NSUN6: variants seen among roughly 807,000 people sequenced by gnomAD.
NSUN6 encodes NOP2/Sun RNA methyltransferase 6.
NSUN6 carries 64 observed loss-of-function variants against 58.0 expected under a neutral mutation model. The observed-to-expected ratio is 1.10, with a 90% CI of 0.90 to 1.36. NSUN6 has a LOEUF of 1.36. NSUN6 is among the 40% of genes most tolerant of loss of function. The pLI is 0.00. For missense variants in NSUN6, 701 were observed against 550.1 expected, an observed-to-expected ratio of 1.27 and a Z score of -2.74; for synonymous variants, 231 against 193.9, an observed-to-expected ratio of 1.19 and a Z score of -1.59.
At position 18,546,094 on chromosome 10, in the gene NSUN6, G is replaced by T. The variant is rs755947656; in HGVS notation, c.1249C>A (p.Gln417Lys). 3.7e-6 allele frequency: 6 copies of T among 1,612,516 alleles called. No individual in the cohort carries two copies. The South Asian group carries it at 6.6e-5, about 18-fold the overall frequency. ...TCAAATCGCTGCAGCTGTTTCAACT[G>T]TTCACATGAGAGCCCAGCTCCCCTC... ...GMRGAGLSCEQLKQLQRFDPS... is the reference protein window; with the variant it reads ...GMRGAGLSCEKLKQLQRFDPS... The change falls in exon 11 of 11, where the codon CAG becomes AAG. Residue 417 changes from glutamine to lysine, a missense_variant. By Grantham distance (53) the Gln-to-Lys change is moderately conservative. Transcript: ENST00000377304.
chr10:18,560,364 G>A (rs895392101), intron 8 of NSUN6, among the ~76,000 whole-genome samples: 11 of 150,328 alleles, frequency 7.3e-5, no homozygotes, highest in African/African-American at 1.7e-4. Flanking sequence ...TGTAATGCAG[G>A]ATGGAATGGA....
chr10:18,610,291 T>C (rs1429440707), intron 5 of NSUN6, among the ~76,000 whole-genome samples: 1 of 152,050 alleles, frequency 6.6e-6, no homozygotes, highest in African/African-American at 2.4e-5. Context: ...GAGGTTGCAG[T>C]GAGCCAAGAT....
At position 18,548,164 on chromosome 10, in the gene NSUN6, T is replaced by G. The variant is rs771039297; in HGVS notation, c.1145A>C (p.Glu382Ala). The change falls in exon 10 of 11, where the codon GAA (glutamate) becomes GCA (alanine). Residue 382 changes from glutamate (E) to alanine (A), a missense_variant. Transcript: ENST00000377304. ...TCTITLAENEEQVAWALTKFP... is the reference protein window; with the variant it reads ...TCTITLAENEAQVAWALTKFP... Reference sequence around the variant, plus strand: ...TTTTGTCAGGGCCCAGGCAACCTGTTCTTCATTTTCGGCCAGTGTTATAGT... The same window carrying G: ...TTTTGTCAGGGCCCAGGCAACCTGTGCTTCATTTTCGGCCAGTGTTATAGT... 1.9e-6 allele frequency: 3 copies of G among 1,613,788 alleles called. No individual in the cohort carries two copies. The highest frequency in any genetic ancestry group is 8.5e-7 in the Non-Finnish European group (1 of 1,179,892).
intron 6 of NSUN6, among the ~76,000 whole-genome samples, chr10:18,607,766 G>A (rs1043842274): frequency 4.6e-5 from 7 of 152,174 alleles, no homozygotes; most frequent in African/African-American, 1.4e-4. Context: ...AAATCAGAAA[G>A]ACCTGAATGC....
rs879499064 is a variant in NSUN6, at chr10:18,562,818, GGA to G, written c.923-10849_923-10848del. Among the ~76,000 whole-genome samples the G allele has an allele frequency of 2.6e-3, 386 of 149,348 alleles. 2 individuals are homozygous for G. The highest frequency in any genetic ancestry group is 4.2e-3 in the Non-Finnish European group (284 of 67,088). ...GGAGTGGAGAATGGAATGAAAGGGA[GGA>G]TGGAATGGAATGAAATGGAGCGTGG... is the stretch of plus-strand genomic sequence containing the variant. On this transcript the variant is annotated intron_variant, in intron 8 of 10. Coordinates refer to ENST00000377304, the MANE Select transcript of NSUN6 (RefSeq NM_182543.5).
intron 8 of NSUN6, among the ~76,000 whole-genome samples, chr10:18,556,119 G>T (rs1163724931): frequency 1.3e-5 from 2 of 149,914 alleles, no homozygotes; most frequent in Non-Finnish European, 3.0e-5. Flanking sequence ...GAATGCAATT[G>T]AATGGGATGG....
intron 8 of NSUN6, among the ~76,000 whole-genome samples, chr10:18,555,422 T>C (rs912336285): frequency 1.3e-5 from 2 of 149,206 alleles, no homozygotes; most frequent in Non-Finnish European, 3.0e-5. Context: ...GAGAATGCTA[T>C]GGAATGCATT....
intron 3 of NSUN6, among the ~76,000 whole-genome samples, chr10:18,636,708 A>G (rs1255673324): frequency 6.6e-6 from 1 of 151,998 alleles, no homozygotes; most frequent in Non-Finnish European, 1.5e-5. Flanking sequence ...CCTGGCCAAT[A>G]TGGTGAAACC....
chr10:18,657,867 C>T (rs954658585), upstream of NSUN6, among the ~76,000 whole-genome samples: 3 of 152,070 alleles, frequency 2.0e-5, no homozygotes, highest in African/African-American at 7.3e-5. Flanking sequence ...CCGCCTCAGC[C>T]TCCCAAAGTG....
At position 18,551,939 on chromosome 10, in the gene NSUN6, G is replaced by C. The variant is rs139589125; in HGVS notation, c.955C>G (p.Arg319Gly). The C allele has an allele frequency of 2.2e-5, 36 of 1,606,900 alleles. No homozygotes were observed. In the African/African-American group the frequency reaches 4.4e-4, roughly 20 times the overall value. The stretch of plus-strand genomic sequence containing the variant: ...CTACAGGGTGCATCCAGAAGAATTC[G>C]GTCAAAGGATTCTGGTAGAAATGGA... The part of the protein sequence containing the change: ...EPPFLPESFD[R>G]ILLDAPCSGM... Residue 319 changes from arginine (R) to glycine (G), a missense_variant, in exon 9 of 11, where the codon CGA (arginine) becomes GGA (glycine). Transcript: ENST00000377304.
At chr10:18,616,332 C>A in intron 3 of NSUN6, 39 bp from the exon 4 acceptor site, 2 of 1,193,726 alleles carry the variant, frequency 1.7e-6, no homozygotes, top group Non-Finnish European at 2.5e-6. Context: ...TAGTAACATA[C>A]CTCCAATGCC....
chr10:18,624,647 C>CAACAAAAA (rs1554880322), intron 3 of NSUN6, among the ~76,000 whole-genome samples: 57 of 77,074 alleles, frequency 7.4e-4, no homozygotes, highest in Non-Finnish European at 1.1e-3. Context: ...GACTCTGTCT[C>CAACAAAAA]AAAAAAAAAA....
At chr10:18,558,354 G>A (rs1232645004) in intron 8 of NSUN6, among the ~76,000 whole-genome samples, 2 of 150,230 alleles carry the variant, frequency 1.3e-5, no homozygotes, top group Non-Finnish European at 3.0e-5. Flanking sequence ...GGGATGGAAT[G>A]GAGAATGGAA....
At chr10:18,556,029 G>A (rs943975501) in intron 8 of NSUN6, among the ~76,000 whole-genome samples, 1 of 151,342 alleles carries the variant, frequency 6.6e-6, no homozygotes, top group Non-Finnish European at 1.5e-5. Context: ...ATGAAGACTG[G>A]AATGGAGAAT....
At position 18,564,951 on chromosome 10, in the gene NSUN6, C is replaced by T. The variant is rs543121986; in HGVS notation, c.923-12980G>A. 7.3e-5 allele frequency among the ~76,000 whole-genome samples: 11 copies of T among 149,788 alleles called. No individual in the cohort carries two copies. In the East Asian group the frequency reaches 2.0e-3, roughly 27 times the overall value. On this transcript the variant is annotated intron_variant, in intron 8 of 10. Transcript: ENST00000377304. ...CCATTCCATTCCATTTCATTGCATT[C>T]TATTCTTCATTCCATTCCATTCTCC...
intron 8 of NSUN6, among the ~76,000 whole-genome samples, chr10:18,558,003 G>A (rs1035686550): frequency 6.6e-6 from 1 of 151,216 alleles, no homozygotes; most frequent in African/African-American, 2.4e-5. Context: ...GAATGGGATG[G>A]ACATGAATGG....
intron 8 of NSUN6, among the ~76,000 whole-genome samples, chr10:18,568,499 T>C (rs2056128325): frequency 1.3e-5 from 2 of 150,856 alleles, no homozygotes; most frequent in South Asian, 4.2e-4. Context: ...CTCCATTCCA[T>C]TCCAAACCAT....
At chr10:18,594,199 G>GA (rs749132499) in intron 7 of NSUN6, among the ~76,000 whole-genome samples, 46,394 of 122,734 alleles carry the variant, frequency 0.38, 8,408 homozygotes, top group East Asian at 0.75. Context: ...AAGACTCTGA[G>GA]AAAAAAAAAA....
At chr10:18,578,508 G>C (rs1219726141) in intron 8 of NSUN6, among the ~76,000 whole-genome samples, 3 of 152,016 alleles carry the variant, frequency 2.0e-5, no homozygotes, top group African/African-American at 7.2e-5. Flanking sequence ...CATTTCTCTG[G>C]CTCAGGGGAA....
Sources: gnomAD v4.1 joint callset for allele counts (sites outside exome capture counted in the v4.1 genomes callset) on GRCh38, gnomAD v4.1.1 for gene constraint, MANE v1.5 for transcripts, NCBI Gene and HGNC (gene_info 2026-07-23, HGNC 2026-07-21) for gene names.